DPP10: variants seen among roughly 807,000 people sequenced by gnomAD.
The protein encoded by DPP10 is inactive dipeptidyl peptidase 10.
DPP10 carries 33 observed loss-of-function variants against 120.9 expected under a neutral mutation model. The ratio of observed to expected loss-of-function variants is 0.27; its 90% CI spans 0.21 to 0.37. The LOEUF (loss-of-function observed/expected upper bound fraction) is 0.37, where lower values mean the gene tolerates loss of function less well. DPP10 is among the 10% of genes least tolerant of loss of function. The probability of loss-of-function intolerance (pLI) is 1.00; values close to 1 mark genes in which losing one functional copy is unlikely to be tolerated. For missense variants in DPP10, 816 were observed against 942.8 expected, an observed-to-expected ratio of 0.87 and a Z score of 1.76; for synonymous variants, 337 against 326.1, an observed-to-expected ratio of 1.03 and a Z score of -0.36.
intron 1 of DPP10, among the ~76,000 whole-genome samples, chr2:114,633,848 C>T (rs1695125493): frequency 6.6e-6 from 1 of 151,766 alleles, no homozygotes; most frequent in Admixed American, 6.6e-5. Flanking sequence ...CTCCTGACCT[C>T]AAGTGATCCG....
intron 1 of DPP10, among the ~76,000 whole-genome samples, chr2:114,686,397 T>G (rs995798102): frequency 2.6e-5 from 4 of 151,850 alleles, no homozygotes; most frequent in African/African-American, 9.7e-5. Flanking sequence ...AACAATTTAT[T>G]AACAAAACTC....
At chr2:115,785,409 A>T (rs1257245439) in intron 17 of DPP10, among the ~76,000 whole-genome samples, 1 of 152,236 alleles carries the variant, frequency 6.6e-6, no homozygotes, top group East Asian at 1.9e-4. Context: ...CAGTAGGATT[A>T]GTAGCAGCTC....
At chr2:114,610,007 A>C (rs536172586) in intron 1 of DPP10, among the ~76,000 whole-genome samples, 4 of 152,176 alleles carry the variant, frequency 2.6e-5, no homozygotes, top group Non-Finnish European at 1.5e-5. Flanking sequence ...TATGTTCCAG[A>C]ACAGAGAAAA....
At chr2:115,424,966 G>T (rs578134835) in intron 3 of DPP10, among the ~76,000 whole-genome samples, 2 of 152,290 alleles carry the variant, frequency 1.3e-5, no homozygotes, top group South Asian at 4.1e-4. Flanking sequence ...TAAAACATGA[G>T]CATCTTCATC....
chr2:115,642,713 G>A lies in DPP10; in HGVS notation c.442-46974G>A, dbSNP rs888727305. On this transcript the variant is annotated intron_variant, in intron 5 of 25. Transcript: ENST00000410059. ...CATACACACATACGTACAAATATAT[G>A]TGTGTTTACATATATGCATATGCAT... is the stretch of plus-strand genomic sequence containing the variant. Among the ~76,000 whole-genome samples, 5 of 151,256 alleles carry A rather than the reference G, an allele frequency of 3.3e-5. No homozygotes were observed. In the South Asian group the frequency reaches 1.0e-3, roughly 32 times the overall value.
chr2:115,331,605 C>T (rs922012191), intron 2 of DPP10, among the ~76,000 whole-genome samples: 9 of 152,112 alleles, frequency 5.9e-5, no homozygotes, highest in South Asian at 2.1e-4. Flanking sequence ...CCATCAATAC[C>T]GAATTTATTG....
intron 3 of DPP10, among the ~76,000 whole-genome samples, chr2:115,467,632 A>G (rs768072488): frequency 5.5e-4 from 83 of 152,254 alleles, no homozygotes; most frequent in Middle Eastern, 3.4e-3. Flanking sequence ...GATGCTCACT[A>G]TTCCTGTGAG....
intron 19 of DPP10, among the ~76,000 whole-genome samples, chr2:115,794,531 G>A (rs966330562): frequency 1.3e-5 from 2 of 152,054 alleles, no homozygotes; most frequent in African/African-American, 2.4e-5. Flanking sequence ...AGAGTATGCG[G>A]GATGGAGTAC....
At chr2:115,007,180 A>G (rs1214269241) in intron 1 of DPP10, among the ~76,000 whole-genome samples, 2 of 152,118 alleles carry the variant, frequency 1.3e-5, no homozygotes, top group African/African-American at 4.8e-5. Flanking sequence ...CCTCAATAAA[A>G]TACTGGCAAA....
intron 1 of DPP10, among the ~76,000 whole-genome samples, chr2:114,623,204 T>G (rs1442960331): frequency 6.6e-6 from 1 of 152,066 alleles, no homozygotes; most frequent in African/African-American, 2.4e-5. Context: ...ATGCACTGAA[T>G]ATTAAATGCA....
At chr2:115,376,879 A>G (rs1441516720) in intron 3 of DPP10, among the ~76,000 whole-genome samples, 1 of 148,766 alleles carries the variant, frequency 6.7e-6, no homozygotes, top group African/African-American at 2.5e-5. Flanking sequence ...AAGGACATGA[A>G]CTCATCATTT....
intron 1 of DPP10, among the ~76,000 whole-genome samples, chr2:114,512,741 T>C (rs1336163838): frequency 1.3e-5 from 2 of 152,172 alleles, no homozygotes; most frequent in Non-Finnish European, 2.9e-5. Flanking sequence ...ATGAGCATAT[T>C]TAGAACTGGA....
At chr2:115,773,752 C>T (rs1681753769) in intron 13 of DPP10, among the ~76,000 whole-genome samples, 1 of 151,978 alleles carries the variant, frequency 6.6e-6, no homozygotes, top group Non-Finnish European at 1.5e-5. Flanking sequence ...TACAAACATC[C>T]CCTTGTGAAA....
chr2:115,734,105 A>T (rs1404654820), intron 8 of DPP10, among the ~76,000 whole-genome samples: 2 of 152,162 alleles, frequency 1.3e-5, no homozygotes, highest in African/African-American at 2.4e-5. Flanking sequence ...GAAAGTCACA[A>T]GGCTCTCTAT....
intron 1 of DPP10, among the ~76,000 whole-genome samples, chr2:114,850,748 G>A (rs1161381984): frequency 6.6e-6 from 1 of 152,120 alleles, no homozygotes; most frequent in Non-Finnish European, 1.5e-5. Context: ...ACAATGCACT[G>A]TGCTGAAGGG....
chr2:114,582,545 G>A lies in DPP10; in HGVS notation c.60+139707G>A, dbSNP rs1377810117. 2.6e-5 allele frequency among the ~76,000 whole-genome samples: 4 copies of A among 152,152 alleles called. No individual in the cohort carries two copies. The South Asian group carries it at 8.3e-4, about 32-fold the overall frequency. ...TCTTTCAAAGTGGCTGTGCCATTCT[G>A]TATTACCATCACCAATGGACAATAA... is the stretch of plus-strand genomic sequence containing the variant. On this transcript the variant is annotated intron_variant, in intron 1 of 25. Transcript: ENST00000410059.
chr2:115,797,981 G>A (rs958171176), intron 19 of DPP10, among the ~76,000 whole-genome samples: 4 of 151,056 alleles, frequency 2.6e-5, no homozygotes, highest in African/African-American at 9.7e-5. Flanking sequence ...ACACGTATAT[G>A]CACACACAGA....
chr2:114,699,206 G>A (rs1700242919), intron 1 of DPP10, among the ~76,000 whole-genome samples: 2 of 152,056 alleles, frequency 1.3e-5, no homozygotes, highest in Admixed American at 6.6e-5. Context: ...TATACATCTT[G>A]GAGGTACCAT....
chr2:115,578,572 G>A lies in DPP10; in HGVS notation c.441+52600G>A, dbSNP rs573070596. Among the ~76,000 whole-genome samples the A allele has an allele frequency of 2.6e-5, 4 of 152,286 alleles. No individual in the cohort carries two copies. The South Asian group carries it at 8.3e-4, about 32-fold the overall frequency. ...AGACAAGCGAAGACATGGACAGTGA[G>A]TAACATTTATCCTGGGGAAACTGAT... On this transcript the variant is annotated intron_variant, in intron 5 of 25. Coordinates refer to ENST00000410059, the MANE Select transcript of DPP10 (RefSeq NM_020868.6).
Sources: gnomAD v4.1 joint callset for allele counts (sites outside exome capture counted in the v4.1 genomes callset) on GRCh38, gnomAD v4.1.1 for gene constraint, MANE v1.5 for transcripts, NCBI Gene and HGNC (gene_info 2026-07-23, HGNC 2026-07-21) for gene names.